ROR2: variants seen among roughly 807,000 people sequenced by gnomAD.
ROR2 encodes tyrosine-protein kinase transmembrane receptor ROR2.
ROR2 carries 33 observed loss-of-function variants against 74.9 expected under a neutral mutation model. The ratio of observed to expected loss-of-function variants is 0.44; its 90% confidence interval spans 0.33 to 0.59. The LOEUF (loss-of-function observed/expected upper bound fraction) is 0.59. ROR2 is among the 20% of genes least tolerant of loss of function. The probability of loss-of-function intolerance (pLI) is 0.02; values close to 1 mark genes in which losing one functional copy is unlikely to be tolerated. For missense variants in ROR2, 1,216 were observed against 1,313.8 expected (o/e 0.93, Z 1.15); for synonymous variants, 586 against 558.7 (o/e 1.05, Z -0.69).
At chr9:91,806,847 C>A (rs954361856) in intron 1 of ROR2, among the ~76,000 whole-genome samples, 3 of 152,192 alleles carry the variant, frequency 2.0e-5, no homozygotes, top group Admixed American at 1.3e-4. Flanking sequence ...CCTCGGCCAC[C>A]CAAAGTGCTG....
intron 1 of ROR2, among the ~76,000 whole-genome samples, chr9:91,898,444 C>T (rs1830593031): frequency 6.6e-6 from 1 of 152,128 alleles, no homozygotes; most frequent in South Asian, 2.1e-4. Context: ...AAATGATCTG[C>T]CCAAAAAACA....
chr9:91,946,654 C>T (rs965786774), intron 1 of ROR2, among the ~76,000 whole-genome samples: 37 of 152,210 alleles, frequency 2.4e-4, no homozygotes, highest in African/African-American at 8.7e-4. Flanking sequence ...TAGAACTCTC[C>T]AAGGGAAAGG....
rs1310366623 is a variant in ROR2 at position 91,895,834 on chromosome 9, ACT to A, written c.97+54031_97+54032del. Among the ~76,000 whole-genome samples the A allele has an allele frequency of 4.6e-5, 7 of 152,136 alleles. No homozygotes were observed. The East Asian group carries it at 7.7e-4, about 17-fold the overall frequency. On this transcript the variant is annotated intron_variant, in intron 1 of 8. Coordinates refer to ENST00000375708, the MANE Select transcript of ROR2 (RefSeq NM_004560.4). ...ACTCCAGCCTGGGCGGCTGAGCGAG[ACT>A]CTGTCTCAAAAAAGAAAAAAGAAAT...
At chr9:91,769,258 G>A (rs1201602693) in intron 2 of ROR2, among the ~76,000 whole-genome samples, 2 of 152,144 alleles carry the variant, frequency 1.3e-5, no homozygotes, top group Non-Finnish European at 2.9e-5. Context: ...TGTGGATGTG[G>A]ACACTGGACA....
chr9:91,800,845 C>T (rs1827351476), intron 1 of ROR2, among the ~76,000 whole-genome samples: 1 of 152,204 alleles, frequency 6.6e-6, no homozygotes, highest in Admixed American at 6.5e-5. Context: ...CAGCAAGGAG[C>T]CCTTCATGGG....
intron 1 of ROR2, among the ~76,000 whole-genome samples, chr9:91,892,992 A>G (rs1234348980): frequency 6.6e-6 from 1 of 152,218 alleles, no homozygotes; most frequent in Non-Finnish European, 1.5e-5. Flanking sequence ...GCTCAACAAA[A>G]GAAACCAAGG....
At chr9:91,936,512 C>T (rs912837528) in intron 1 of ROR2, among the ~76,000 whole-genome samples, 1 of 152,206 alleles carries the variant, frequency 6.6e-6, no homozygotes, top group Non-Finnish European at 1.5e-5. Flanking sequence ...AAATTATCAC[C>T]TCTGTAAAGA....
At chr9:91,874,536 A>G (rs143104275) in intron 1 of ROR2, among the ~76,000 whole-genome samples, 1 of 152,366 alleles carries the variant, frequency 6.6e-6, no homozygotes, top group East Asian at 1.9e-4. Flanking sequence ...ACAGAAAATG[A>G]CTAGGAAAAT....
chr9:91,829,769 T>C (rs1028697958), intron 1 of ROR2, among the ~76,000 whole-genome samples: 2 of 152,196 alleles, frequency 1.3e-5, no homozygotes, highest in African/African-American at 4.8e-5. Context: ...TTCATTCATA[T>C]GAATGTTCAT....
intron 1 of ROR2, among the ~76,000 whole-genome samples, chr9:91,792,740 T>C (rs981904423): frequency 6.6e-6 from 1 of 152,114 alleles, no homozygotes; most frequent in Non-Finnish European, 1.5e-5. Flanking sequence ...AAAAGGACTA[T>C]AAAGGAATAT....
At chr9:91,790,600 T>C (rs1411021626) in intron 1 of ROR2, among the ~76,000 whole-genome samples, 1 of 152,214 alleles carries the variant, frequency 6.6e-6, no homozygotes, top group African/African-American at 2.4e-5. Flanking sequence ...TGTTGGTTTA[T>C]GTACTTACTA....
chr9:91,761,548 G>T (rs1825915312), intron 2 of ROR2, among the ~76,000 whole-genome samples: 1 of 152,128 alleles, frequency 6.6e-6, no homozygotes, highest in Non-Finnish European at 1.5e-5. Flanking sequence ...TGCCACTGTT[G>T]ATCTGACAGG....
rs1294066863 is a variant in ROR2, at chr9:91,724,130, C to T, written c.2364G>A (p.Gly788=). The change falls in exon 9 of 9, where the codon GGG becomes GGA. Residue 788 remains glycine (G), a synonymous_variant. Coordinates refer to ENST00000375708, the MANE Select transcript of ROR2 (RefSeq NM_004560.4). ...VSNVSNARYV[G]PKQKAPPFPQ... is the part of the protein sequence containing the mutation. ...GGAAGGGCGGGGCCTTCTGCTTGGG[C>T]CCCACGTAGCGGGCGTTGCTCACAT... The T allele has an allele frequency of 2.5e-6, 4 of 1,610,854 alleles. No individual in the cohort carries two copies. Among genetic ancestry groups the T allele is most frequent in the South Asian group, 2.2e-5 (2 of 91,060 alleles).
At chr9:91,770,328 G>T (rs1232204982) in intron 2 of ROR2, among the ~76,000 whole-genome samples, 3 of 152,216 alleles carry the variant, frequency 2.0e-5, no homozygotes, top group Non-Finnish European at 4.4e-5. Context: ...CCTGGCAGGA[G>T]GACATTCCTC....
intron 4 of ROR2, among the ~76,000 whole-genome samples, chr9:91,745,199 C>T (rs1825370951): frequency 6.6e-6 from 1 of 151,946 alleles, no homozygotes; most frequent in Non-Finnish European, 1.5e-5. Context: ...GATCTCGGCT[C>T]ACTGCAACCT....
chr9:91,880,114 A>C (rs564664836), intron 1 of ROR2, among the ~76,000 whole-genome samples: 1 of 152,262 alleles, frequency 6.6e-6, no homozygotes, highest in South Asian at 2.1e-4. Context: ...AATTAAGCTA[A>C]AATAAAGTCA....
At chr9:91,745,774 G>A (rs954313740) in intron 4 of ROR2, among the ~76,000 whole-genome samples, 2 of 152,248 alleles carry the variant, frequency 1.3e-5, no homozygotes, top group Admixed American at 6.5e-5. Flanking sequence ...TTATCTTACT[G>A]ATGATTGTCT....
At chr9:91,754,421 C>A (rs1429522684) in intron 4 of ROR2, among the ~76,000 whole-genome samples, 1 of 151,928 alleles carries the variant, frequency 6.6e-6, no homozygotes, top group African/African-American at 2.4e-5. Flanking sequence ...CTTTGGGAGG[C>A]CAAGGTGGAC....
intron 7 of ROR2, among the ~76,000 whole-genome samples, 153 bp downstream of exon 7, chr9:91,730,757 C>T (rs979539804): frequency 6.6e-6 from 1 of 152,124 alleles, no homozygotes; most frequent in Admixed American, 6.5e-5. Context: ...CGTGGCCCAA[C>T]AGCTTTATTT....
Sources: allele counts gnomAD v4.1 joint callset (sites outside exome capture counted in the v4.1 genomes callset), GRCh38; gene constraint gnomAD v4.1.1; transcripts MANE v1.5; gene names NCBI Gene and HGNC (gene_info 2026-07-23, HGNC 2026-07-21).